MAGI2: variants seen among roughly 807,000 people sequenced by gnomAD.
MAGI2 encodes the protein membrane associated guanylate kinase, WW and PDZ domain containing 2.
MAGI2 carries 35 observed loss-of-function variants against 133.3 expected under a neutral mutation model. The observed-to-expected ratio is 0.26, with a 90% CI of 0.20 to 0.35. MAGI2 has a LOEUF of 0.35. MAGI2 is among the 10% of genes least tolerant of loss of function. The pLI is 1.00. For missense variants in MAGI2, 1,636 were observed against 1,863.4 expected, an observed-to-expected ratio of 0.88 and a Z score of 2.25; for synonymous variants, 729 against 710.6, an observed-to-expected ratio of 1.03 and a Z score of -0.41.
At position 79,319,327 on chromosome 7, in the gene MAGI2, C is replaced by T. The variant is rs1162305789; in HGVS notation, c.301+133693G>A. ...ACACCCTGTAATTTCTATGGCATGA[C>T]TATTTCAGATGCTTGCTTTTCATGC... On this transcript the variant is annotated intron_variant, in intron 1 of 21. Transcript: ENST00000354212. Among the ~76,000 whole-genome samples, 6 of 152,244 alleles carry T rather than the reference C, an allele frequency of 3.9e-5. No individual in the cohort carries two copies. The East Asian group carries it at 1.2e-3, about 29-fold the overall frequency.
intron 3 of MAGI2, among the ~76,000 whole-genome samples, chr7:78,591,043 A>G (rs1445088554): frequency 6.6e-6 from 1 of 152,194 alleles, no homozygotes; most frequent in Non-Finnish European, 1.5e-5. Flanking sequence ...AAATATTATT[A>G]AAGAGAGTAC....
intron 9 of MAGI2, among the ~76,000 whole-genome samples, chr7:78,292,504 C>T (rs980624767): frequency 5.3e-5 from 8 of 152,184 alleles, no homozygotes; most frequent in Admixed American, 4.6e-4. Context: ...AATGGCCATA[C>T]TGCCCAAGGT....
At chr7:78,897,576 C>T (rs1382188424) in intron 2 of MAGI2, among the ~76,000 whole-genome samples, 1 of 152,174 alleles carries the variant, frequency 6.6e-6, no homozygotes, top group South Asian at 2.1e-4. Flanking sequence ...ATTCCTCCAG[C>T]TTTGTTCATT....
Position 78,270,670 on chromosome 7 carries a change from G to T in MAGI2, c.1409-14089C>A, listed in dbSNP as rs146861797. ...GCTTAAGGAGATTTGGGGCTGAGACGATGGGGTTTTCTAAATAATGGGAGA... is the reference window on the plus strand; with the variant it reads ...GCTTAAGGAGATTTGGGGCTGAGACTATGGGGTTTTCTAAATAATGGGAGA... On this transcript the variant is annotated intron_variant, in intron 9 of 21. Coordinates refer to ENST00000354212, the MANE Select transcript of MAGI2 (RefSeq NM_012301.4). 4.6e-5 allele frequency among the ~76,000 whole-genome samples: 7 copies of T among 151,710 alleles called. No homozygotes were observed. The East Asian group carries it at 7.8e-4, about 17-fold the overall frequency.
At chr7:79,097,424 T>A (rs1817611312) in intron 1 of MAGI2, among the ~76,000 whole-genome samples, 1 of 152,124 alleles carries the variant, frequency 6.6e-6, no homozygotes. Context: ...GGGGGATCTG[T>A]TATGTTGAGA....
At chr7:79,239,921 C>T (rs913142375) in intron 1 of MAGI2, among the ~76,000 whole-genome samples, 2 of 152,206 alleles carry the variant, frequency 1.3e-5, no homozygotes, top group African/African-American at 4.8e-5. Context: ...CTTAGAATTG[C>T]TCCTGCCTTC....
intron 6 of MAGI2, among the ~76,000 whole-genome samples, chr7:78,480,706 A>C (rs1792276310): frequency 1.3e-5 from 2 of 151,904 alleles, no homozygotes; most frequent in African/African-American, 4.8e-5. Flanking sequence ...TCCTGCAAAT[A>C]AATGAATTCA....
rs1254391947 is a variant in MAGI2 at position 78,627,921 on chromosome 7, GCCTT to G, written c.419-686_419-683del. ...CATCACACAGGCTCTCCCTTATGCG[GCCTT>G]CCTTCTTTCATTACTGCCTCTAATT... On this transcript the variant is annotated intron_variant, in intron 2 of 21. Coordinates refer to ENST00000354212, the MANE Select transcript of MAGI2 (RefSeq NM_012301.4). Among the ~76,000 whole-genome samples, 11 of 152,238 alleles carry G rather than the reference GCCTT, an allele frequency of 7.2e-5. No homozygotes were observed. In the East Asian group the frequency reaches 1.9e-3, roughly 27 times the overall value.
At chr7:78,474,671 A>T (rs1791562307) in intron 6 of MAGI2, among the ~76,000 whole-genome samples, 1 of 151,980 alleles carries the variant, frequency 6.6e-6, no homozygotes, top group African/African-American at 2.4e-5. Flanking sequence ...GACAAATAAG[A>T]TCAGGAGATT....
intron 1 of MAGI2, among the ~76,000 whole-genome samples, chr7:79,254,191 C>A (rs2129555898): frequency 6.6e-6 from 1 of 152,160 alleles, no homozygotes; most frequent in East Asian, 1.9e-4. Flanking sequence ...ACTGTCTGTT[C>A]ATATTCTTTG....
chr7:79,201,579 G>C (rs1452573594), intron 1 of MAGI2, among the ~76,000 whole-genome samples: 1 of 151,616 alleles, frequency 6.6e-6, no homozygotes, highest in Non-Finnish European at 1.5e-5. Flanking sequence ...TGAAATTTTG[G>C]GGAGTGCTAG....
intron 6 of MAGI2, among the ~76,000 whole-genome samples, chr7:78,387,794 C>T (rs1455327915): frequency 1.3e-5 from 2 of 152,014 alleles, no homozygotes; most frequent in Non-Finnish European, 2.9e-5. Context: ...GGTGTGATGG[C>T]ACGCGCCTGT....
chr7:78,345,250 C>T (rs1790773832), intron 8 of MAGI2, among the ~76,000 whole-genome samples: 1 of 152,118 alleles, frequency 6.6e-6, no homozygotes, highest in African/African-American at 2.4e-5. Flanking sequence ...ACCAGGAGAC[C>T]TTTACATTCA....
At chr7:79,183,565 C>A (rs139242690) in intron 1 of MAGI2, among the ~76,000 whole-genome samples, 1,922 of 151,852 alleles carry the variant, frequency 0.013, 67 homozygotes, top group African/African-American at 0.044. Flanking sequence ...TCCCAGTCTG[C>A]AGCTAGATCT....
intron 9 of MAGI2, among the ~76,000 whole-genome samples, chr7:78,341,485 G>C (rs961059382): frequency 1.3e-5 from 2 of 152,108 alleles, no homozygotes; most frequent in African/African-American, 4.8e-5. Context: ...AACCAAAAAA[G>C]AGCCCACATT....
chr7:79,418,434 C>T (rs984066912), intron 1 of MAGI2, among the ~76,000 whole-genome samples: 2 of 152,028 alleles, frequency 1.3e-5, no homozygotes, highest in Admixed American at 1.3e-4. Context: ...TAAAAATATT[C>T]CTTCCTATTC....
chr7:78,860,058 C>T (rs983723971), intron 2 of MAGI2, among the ~76,000 whole-genome samples: 4 of 152,160 alleles, frequency 2.6e-5, no homozygotes, highest in Admixed American at 1.3e-4. Context: ...GCATATGTCA[C>T]GTAGTTCTCG....
intron 3 of MAGI2, among the ~76,000 whole-genome samples, chr7:78,624,273 C>T (rs1386770057): frequency 6.6e-6 from 1 of 152,060 alleles, no homozygotes; most frequent in Non-Finnish European, 1.5e-5. Context: ...TGTCTGTTCA[C>T]TCTGATGATA....
intron 1 of MAGI2, among the ~76,000 whole-genome samples, chr7:79,253,711 G>C (rs1237596953): frequency 6.6e-6 from 1 of 152,080 alleles, no homozygotes; most frequent in Non-Finnish European, 1.5e-5. Flanking sequence ...TGTCAAGTTT[G>C]ATAGAAGTAT....
Sources: allele counts gnomAD v4.1 joint callset (sites outside exome capture counted in the v4.1 genomes callset), GRCh38; gene constraint gnomAD v4.1.1; transcripts MANE v1.5; gene names NCBI Gene and HGNC (gene_info 2026-07-23, HGNC 2026-07-21).